The following IL1RAPL1 variants were observed in gnomAD, a reference collection of about 807,000 sequenced individuals.
IL1RAPL1 encodes the protein interleukin-1 receptor accessory protein-like 1.
Under a neutral mutation model 48.4 loss-of-function variants are expected in IL1RAPL1, and 3 were observed. The observed-to-expected ratio is 0.06, with a 90% CI of 0.03 to 0.16. The LOEUF (loss-of-function observed/expected upper bound fraction) is 0.16. Ranked by LOEUF, IL1RAPL1 falls within the 10% of genes least tolerant of loss-of-function variation. IL1RAPL1 has a pLI of 1.00. For synonymous variants in IL1RAPL1, 185 were observed against 187.7 expected (o/e 0.99, Z 0.12); for missense variants, 349 against 530.6 (o/e 0.66, Z 3.36).
At chrX:29,649,698 C>A (rs1430300396) in intron 5 of IL1RAPL1, among the ~76,000 whole-genome samples, 1 of 111,470 alleles carries the variant, frequency 9.0e-6, no homozygotes. Flanking sequence ...AGATCTGGAA[C>A]AAGATATGGA....
At chrX:28,656,816 G>T (rs1229226260) in intron 1 of IL1RAPL1, among the ~76,000 whole-genome samples, 1 of 110,302 alleles carries the variant, frequency 9.1e-6, no homozygotes, top group Non-Finnish European at 1.9e-5. Context: ...CACGAGGTCA[G>T]GAGATCAAGA....
At chrX:28,598,894 C>T (rs1176933856) in intron 1 of IL1RAPL1, among the ~76,000 whole-genome samples, 14 of 107,512 alleles carry the variant, frequency 1.3e-4, no homozygotes, top group African/African-American at 4.0e-4. Context: ...TCCCAAAGTG[C>T]TGGGATTACA....
intron 5 of IL1RAPL1, among the ~76,000 whole-genome samples, chrX:29,457,644 A>G (rs1051684700): frequency 8.9e-6 from 1 of 112,239 alleles, no homozygotes; most frequent in Admixed American, 9.4e-5. Context: ...GGTGAAGAAG[A>G]TACAAGTGCA....
At chrX:29,333,620 C>T (rs1217982046) in intron 3 of IL1RAPL1, among the ~76,000 whole-genome samples, 3 of 88,500 alleles carry the variant, frequency 3.4e-5, no homozygotes, top group South Asian at 5.8e-4. Flanking sequence ...GGCGGCTGGC[C>T]GGGCAGAGGG....
rs751343440 is a variant in IL1RAPL1, at chrX:29,739,428, G to T, written c.778+70924G>T. Among the ~76,000 whole-genome samples the T allele has an allele frequency of 3.6e-5, 4 of 110,606 alleles. No homozygotes were observed. In the South Asian group the frequency reaches 1.1e-3, roughly 32 times the overall value. On this transcript the variant is annotated intron_variant, in intron 6 of 10. Coordinates refer to ENST00000378993, the MANE Select transcript of IL1RAPL1 (RefSeq NM_014271.4). ...TTTCATTAGGTATTTTTTCCATTTG[G>T]CTGTGGCAATCCTTGAGATTGATTC... is the stretch of plus-strand genomic sequence containing the variant.
intron 8 of IL1RAPL1, among the ~76,000 whole-genome samples, chrX:29,928,653 A>G (rs1422006057): frequency 8.9e-6 from 1 of 112,177 alleles, no homozygotes; most frequent in Non-Finnish European, 1.9e-5. Context: ...TGCCAGAAGG[A>G]TATCTACCAC....
At position 28,759,872 on chromosome X, in the gene IL1RAPL1, G is replaced by A. The variant is rs760098834; in HGVS notation, c.-24-29448G>A. Among the ~76,000 whole-genome samples the A allele has an allele frequency of 1.7e-3, 186 of 110,993 alleles. 1 individual carries two copies. Among genetic ancestry groups the A allele is most frequent in the African/African-American group, 5.8e-3 (177 of 30,594 alleles). ...GTAACAACCAGAAATCAGGAATTAC[G>A]TGAGTTCTTGTACCTAGGAAGTATT... On this transcript the variant is annotated intron_variant, in intron 1 of 10. Coordinates refer to ENST00000378993, the MANE Select transcript of IL1RAPL1 (RefSeq NM_014271.4).
At chrX:29,563,038 A>T (rs1178487763) in intron 5 of IL1RAPL1, among the ~76,000 whole-genome samples, 1 of 111,475 alleles carries the variant, frequency 9.0e-6, no homozygotes. Flanking sequence ...GACCCTACTT[A>T]AAAAAAATTA....
At chrX:28,637,199 G>A (rs1460405145) in intron 1 of IL1RAPL1, among the ~76,000 whole-genome samples, 1 of 111,117 alleles carries the variant, frequency 9.0e-6, no homozygotes, top group Non-Finnish European at 1.9e-5. Flanking sequence ...CCACACTGGT[G>A]TCTTTCATTT....
intron 2 of IL1RAPL1, among the ~76,000 whole-genome samples, chrX:28,906,629 G>T (rs1279451368): frequency 9.0e-6 from 1 of 111,585 alleles, no homozygotes; most frequent in Non-Finnish European, 1.9e-5. Flanking sequence ...AAGTATTTTT[G>T]GAAAAATTAA....
At chrX:29,867,822 G>T (rs1170799906) in intron 6 of IL1RAPL1, among the ~76,000 whole-genome samples, 1 of 111,674 alleles carries the variant, frequency 9.0e-6, no homozygotes, top group East Asian at 2.8e-4. Context: ...GGTGCTGTAG[G>T]TCATGATCAA....
chrX:28,833,313 G>A (rs974817700), intron 2 of IL1RAPL1, among the ~76,000 whole-genome samples: 1 of 111,414 alleles, frequency 9.0e-6, no homozygotes, highest in African/African-American at 3.3e-5. Context: ...TTGGTAGAAT[G>A]AATTGTTTTC....
At chrX:29,867,484 A>G (rs781087543) in intron 6 of IL1RAPL1, among the ~76,000 whole-genome samples, 24 of 111,970 alleles carry the variant, frequency 2.1e-4, no homozygotes, top group African/African-American at 6.2e-4. Flanking sequence ...AGGACACAGC[A>G]TTCAAGGCAC....
chrX:29,013,619 C>A (rs1338716294), intron 2 of IL1RAPL1, among the ~76,000 whole-genome samples: 1 of 111,673 alleles, frequency 9.0e-6, no homozygotes, highest in Non-Finnish European at 1.9e-5. Flanking sequence ...GAGCAGAAAA[C>A]CAAACACCAC....
intron 1 of IL1RAPL1, among the ~76,000 whole-genome samples, chrX:28,686,751 A>G (rs1174563203): frequency 8.9e-6 from 1 of 112,137 alleles, no homozygotes; most frequent in African/African-American, 3.2e-5. Context: ...ATATTTAAGA[A>G]GGTTTTTGAC....
chrX:28,854,384 C>G (rs746104834), intron 2 of IL1RAPL1, among the ~76,000 whole-genome samples: 27 of 110,452 alleles, frequency 2.4e-4, no homozygotes, highest in Middle Eastern at 4.7e-3. Context: ...CTAAGATACC[C>G]CTAGGTTTTT....
At chrX:29,260,911 A>AAT (rs893971652) in intron 2 of IL1RAPL1, among the ~76,000 whole-genome samples, 1 of 107,576 alleles carries the variant, frequency 9.3e-6, no homozygotes, top group Admixed American at 1.0e-4. Flanking sequence ...TAATATAGTA[A>AAT]ATATATATAT....
At chrX:29,606,290 A>C (rs1443693198) in intron 5 of IL1RAPL1, among the ~76,000 whole-genome samples, 2 of 111,822 alleles carry the variant, frequency 1.8e-5, no homozygotes, top group African/African-American at 6.5e-5. Context: ...ATGAAAAAAA[A>C]TGTTAAATAT....
intron 9 of IL1RAPL1, among the ~76,000 whole-genome samples, chrX:29,949,059 A>G (rs1933265229): frequency 8.9e-6 from 1 of 111,811 alleles, no homozygotes; most frequent in African/African-American, 3.2e-5. Context: ...GTTATTCTAA[A>G]ATAATCCCGC....
Sources: gnomAD v4.1 joint callset for allele counts (sites outside exome capture counted in the v4.1 genomes callset) on GRCh38, gnomAD v4.1.1 for gene constraint, MANE v1.5 for transcripts, NCBI Gene and HGNC (gene_info 2026-07-23, HGNC 2026-07-21) for gene names.